The following MYO5B variants were observed in gnomAD, a reference collection of about 807,000 sequenced individuals.
MYO5B encodes the protein unconventional myosin-Vb.
Under a neutral mutation model 229.3 loss-of-function variants are expected in MYO5B, and 143 were observed. The ratio of observed to expected loss-of-function variants is 0.62; its 90% CI spans 0.54 to 0.72. The LOEUF (loss-of-function observed/expected upper bound fraction) is 0.72, where lower values mean the gene tolerates loss of function less well. MYO5B is among the 30% of genes least tolerant of loss of function. The pLI is 0.00. For synonymous variants in MYO5B, 918 were observed against 885.2 expected, an observed-to-expected ratio of 1.04 and a Z score of -0.66; for missense variants, 2,321 against 2,331.0, an observed-to-expected ratio of 1.00 and a Z score of 0.09.
At position 50,006,095 on chromosome 18, in the gene MYO5B, T is replaced by G. The variant is rs1598947186; in HGVS notation, c.456-4684A>C. 3.3e-5 allele frequency among the ~76,000 whole-genome samples: 5 copies of G among 152,334 alleles called. No homozygotes were observed. In the South Asian group the frequency reaches 1.0e-3, roughly 32 times the overall value. On this transcript the variant is annotated intron_variant, in intron 4 of 39. Transcript: ENST00000285039. ...TTTTCATCTCTAAAGTAAAAGGCTG[T>G]GACTTGGACTTCCCAAGTGATACTG...
chr18:50,076,663 C>A (rs1449230639), intron 1 of MYO5B, among the ~76,000 whole-genome samples: 2 of 152,126 alleles, frequency 1.3e-5, no homozygotes, highest in Non-Finnish European at 2.9e-5. Context: ...TGTGATTCCT[C>A]TCCTATCAAC....
chr18:49,988,697 G>A (rs1008864757), intron 7 of MYO5B, among the ~76,000 whole-genome samples: 23 of 152,132 alleles, frequency 1.5e-4, no homozygotes, highest in Non-Finnish European at 3.2e-4. Context: ...GCCCTGCTAG[G>A]CCTATGTTCT....
intron 12 of MYO5B, among the ~76,000 whole-genome samples, chr18:49,957,931 C>T (rs1454067603): frequency 6.6e-6 from 1 of 150,930 alleles, no homozygotes; most frequent in Non-Finnish European, 1.5e-5. Context: ...GCCCAGCTGG[C>T]CCCCCCCAGG....
chr18:50,059,299 A>C (rs1228718453), intron 1 of MYO5B, among the ~76,000 whole-genome samples: 1 of 152,218 alleles, frequency 6.6e-6, no homozygotes, highest in Non-Finnish European at 1.5e-5. Context: ...ATGGAGATGT[A>C]GCTCCTGAAC....
Position 50,194,652 on chromosome 18 carries a change from G to T in MYO5B, c.27+115C>A, listed in dbSNP as rs1019154951. 3 of 693,272 alleles carry T rather than the reference G, an allele frequency of 4.3e-6. No individual in the cohort carries two copies. In the African/African-American group the frequency reaches 5.6e-5, roughly 13 times the overall value. 42.9% of individuals were successfully genotyped at this position (693,272 alleles called of 1,614,324 possible). The stretch of plus-strand genomic sequence containing the variant: ...GTGACGAGGAGGACACCGCGGAGGG[G>T]GGTCTCCCGTCACCTCCCGCCTCCA... On this transcript the variant is annotated intron_variant, in intron 1 of 39. Coordinates refer to ENST00000285039, the MANE Select transcript of MYO5B (RefSeq NM_001080467.3).
intron 4 of MYO5B, among the ~76,000 whole-genome samples, chr18:50,021,575 A>G (rs2026275121): frequency 6.6e-6 from 1 of 152,200 alleles, no homozygotes; most frequent in South Asian, 2.1e-4. Flanking sequence ...GAAGTATTAA[A>G]GATCAGTTTG....
At chr18:50,164,118 T>G (rs1019600101) in intron 1 of MYO5B, among the ~76,000 whole-genome samples, 1 of 152,182 alleles carries the variant, frequency 6.6e-6, no homozygotes, top group Non-Finnish European at 1.5e-5. Context: ...GCTATCCTGA[T>G]GCAGGAGTCA....
chr18:49,847,701 G>A (rs1455078183), intron 32 of MYO5B, among the ~76,000 whole-genome samples: 2 of 152,250 alleles, frequency 1.3e-5, no homozygotes, highest in Non-Finnish European at 2.9e-5. Flanking sequence ...GTTTTTCTGG[G>A]AAGTGCTTGG....
intron 4 of MYO5B, among the ~76,000 whole-genome samples, chr18:50,016,776 C>T (rs73959842): frequency 0.019 from 2,846 of 152,064 alleles, 77 homozygotes; most frequent in African/African-American, 0.061. Context: ...AGAAACCCCA[C>T]ACCCATTACC....
intron 38 of MYO5B, 110 bp downstream of exon 38, chr18:49,836,601 T>A: frequency 7.8e-7 from 1 of 1,288,782 alleles, no homozygotes; most frequent in Non-Finnish European, 1.1e-6. Flanking sequence ...TAGGGGTATA[T>A]AAAGGGTGGG....
intron 1 of MYO5B, among the ~76,000 whole-genome samples, chr18:50,096,920 A>C (rs1249835134): frequency 1.3e-5 from 2 of 152,084 alleles, no homozygotes; most frequent in Admixed American, 6.6e-5. Context: ...CTCCTGCGGG[A>C]GACAACACCT....
intron 10 of MYO5B, among the ~76,000 whole-genome samples, chr18:49,965,796 T>G (rs1367329430): frequency 6.6e-6 from 1 of 151,746 alleles, no homozygotes; most frequent in East Asian, 1.9e-4. Context: ...GAAAAACAGA[T>G]GAGGTGGAAG....
intron 2 of MYO5B, among the ~76,000 whole-genome samples, chr18:50,044,587 T>C (rs532163078): frequency 5.3e-5 from 8 of 151,828 alleles, no homozygotes; most frequent in African/African-American, 1.4e-4. Context: ...ACTAGATGAG[T>C]GAGAGTGGCA....
Position 50,177,521 on chromosome 18 carries a change from C to A in MYO5B, c.27+17246G>T, listed in dbSNP as rs2033013908. 2.0e-5 allele frequency among the ~76,000 whole-genome samples: 3 copies of A among 152,336 alleles called. No individual in the cohort carries two copies. The South Asian group carries it at 6.2e-4, about 32-fold the overall frequency. Reference sequence around the variant, plus strand: ...CAAGCAAACAAAACTTCAGCCCTATCCCCCACCCATCCAATCAGGCTGTCT... The same window carrying A: ...CAAGCAAACAAAACTTCAGCCCTATACCCCACCCATCCAATCAGGCTGTCT... On this transcript the variant is annotated intron_variant, in intron 1 of 39. Transcript: ENST00000285039.
At chr18:50,071,440 G>C (rs78032595) in intron 1 of MYO5B, among the ~76,000 whole-genome samples, 1,602 of 152,314 alleles carry the variant, frequency 0.011, 9 homozygotes, top group Middle Eastern at 0.02. Flanking sequence ...AGCAGATGCT[G>C]AATGGACGGA....
At chr18:50,143,918 T>A (rs1705507) in intron 1 of MYO5B, among the ~76,000 whole-genome samples, 3 of 152,166 alleles carry the variant, frequency 2.0e-5, no homozygotes, top group Non-Finnish European at 2.9e-5. Context: ...GCACACCATA[T>A]GCATGGAATA....
chr18:49,873,996 G>A (rs1333558835), intron 26 of MYO5B, among the ~76,000 whole-genome samples: 1 of 152,184 alleles, frequency 6.6e-6, no homozygotes, highest in East Asian at 1.9e-4. Flanking sequence ...TGAAGACCCA[G>A]GTAGTTCAGG....
intron 1 of MYO5B, among the ~76,000 whole-genome samples, chr18:50,132,243 T>G (rs1470455959): frequency 6.6e-6 from 1 of 152,170 alleles, no homozygotes; most frequent in African/African-American, 2.4e-5. Context: ...TTTAAGAACA[T>G]TTGGGCATGG....
At chr18:49,933,931 AG>A (rs2025221755) in intron 16 of MYO5B, among the ~76,000 whole-genome samples, 2 of 152,150 alleles carry the variant, frequency 1.3e-5, no homozygotes, top group Non-Finnish European at 2.9e-5. Flanking sequence ...GCTGGAGTGC[AG>A]TGACACAATC....
Sources: gnomAD v4.1 joint callset for allele counts (sites outside exome capture counted in the v4.1 genomes callset) on GRCh38, gnomAD v4.1.1 for gene constraint, MANE v1.5 for transcripts, NCBI Gene and HGNC (gene_info 2026-07-23, HGNC 2026-07-21) for gene names.